Variants in STXBP5L observed in about 807,000 individuals in gnomAD.
The protein encoded by STXBP5L is syntaxin binding protein 5L.
In STXBP5L, 65 loss-of-function variants were observed where a neutral mutation model predicts 144.5. That is an observed-to-expected ratio of 0.45 (90% CI 0.37 to 0.55). STXBP5L has a LOEUF of 0.55. Ranked by LOEUF, STXBP5L falls within the 20% of genes least tolerant of loss-of-function variation. STXBP5L has a pLI of 0.00. For missense variants in STXBP5L, 1,298 were observed against 1,405.5 expected (o/e 0.92, Z 1.22); for synonymous variants, 505 against 469.6 (o/e 1.08, Z -0.97).
intron 2 of STXBP5L, among the ~76,000 whole-genome samples, chr3:120,943,942 A>G (rs981024970): frequency 6.6e-6 from 1 of 150,992 alleles, no homozygotes; most frequent in Admixed American, 6.7e-5. Flanking sequence ...GATGTTTAAC[A>G]TATTGAAAGA....
chr3:121,090,626 T>C (rs555388246), intron 5 of STXBP5L, among the ~76,000 whole-genome samples: 9 of 152,268 alleles, frequency 5.9e-5, no homozygotes, highest in African/African-American at 1.9e-4. Context: ...AGGAGGTATA[T>C]ACAGATCTGA....
intron 3 of STXBP5L, among the ~76,000 whole-genome samples, chr3:121,024,550 C>T (rs1945792633): frequency 6.6e-6 from 1 of 152,180 alleles, no homozygotes; most frequent in Non-Finnish European, 1.5e-5. Flanking sequence ...GCTATGTAAG[C>T]TGTCAAGTCT....
chr3:121,050,995 T>C (rs928564096), intron 5 of STXBP5L, among the ~76,000 whole-genome samples: 5 of 152,140 alleles, frequency 3.3e-5, no homozygotes, highest in African/African-American at 1.2e-4. Flanking sequence ...AGAAGGCCAT[T>C]ACATAATGGT....
intron 11 of STXBP5L, among the ~76,000 whole-genome samples, chr3:121,230,548 A>C: frequency 1.3e-5 from 2 of 151,948 alleles, no homozygotes; most frequent in Non-Finnish European, 2.9e-5. Context: ...TCAAATCAAC[A>C]ATCTTAGACT....
chr3:120,940,140 A>G (rs1246003618), intron 2 of STXBP5L, among the ~76,000 whole-genome samples: 1 of 152,124 alleles, frequency 6.6e-6, no homozygotes, highest in Non-Finnish European at 1.5e-5. Context: ...CATTAAGTTC[A>G]TATAAATTAG....
intron 12 of STXBP5L, among the ~76,000 whole-genome samples, chr3:121,235,609 T>A (rs1157513289): frequency 1.3e-5 from 2 of 152,116 alleles, no homozygotes; most frequent in Non-Finnish European, 2.9e-5. Context: ...ATCTTCTAAC[T>A]CTGTAATCTT....
chr3:121,322,703 C>A (rs142689483), intron 20 of STXBP5L, among the ~76,000 whole-genome samples: 1 of 151,220 alleles, frequency 6.6e-6, no homozygotes, highest in Admixed American at 6.6e-5. Flanking sequence ...TGAGGGGGTG[C>A]GGATATATGC....
intron 3 of STXBP5L, among the ~76,000 whole-genome samples, chr3:120,974,335 G>A (rs1369113414): frequency 6.6e-6 from 1 of 152,054 alleles, no homozygotes; most frequent in Non-Finnish European, 1.5e-5. Context: ...CTGCATAAAT[G>A]TCTTCTTTTG....
intron 3 of STXBP5L, among the ~76,000 whole-genome samples, chr3:120,991,953 A>T (rs1942929057): frequency 6.6e-6 from 1 of 152,294 alleles, no homozygotes; most frequent in South Asian, 2.1e-4. Context: ...CTAAAACTTA[A>T]AGTATAATAA....
At chr3:121,057,363 C>T (rs1186795243) in intron 5 of STXBP5L, among the ~76,000 whole-genome samples, 1 of 151,806 alleles carries the variant, frequency 6.6e-6, no homozygotes, top group South Asian at 2.1e-4. Context: ...GTAAATTTTA[C>T]TGAATCATCA....
At chr3:121,096,257 A>G (rs1260344203) in intron 5 of STXBP5L, among the ~76,000 whole-genome samples, 1 of 151,674 alleles carries the variant, frequency 6.6e-6, no homozygotes, top group African/African-American at 2.4e-5. Context: ...TCCTCCTCTA[A>G]CCTTTCTTCA....
intron 20 of STXBP5L, among the ~76,000 whole-genome samples, chr3:121,346,450 C>T (rs2044988974): frequency 6.6e-6 from 1 of 152,046 alleles, no homozygotes; most frequent in Non-Finnish European, 1.5e-5. Flanking sequence ...TATTTATAAT[C>T]CTTTGGGTAT....
intron 6 of STXBP5L, among the ~76,000 whole-genome samples, chr3:121,117,286 C>T (rs1377733972): frequency 2.0e-5 from 3 of 151,702 alleles, no homozygotes; most frequent in South Asian, 2.1e-4. Context: ...TGTGTTTTAT[C>T]GAGTTGTACA....
At chr3:120,995,348 A>G (rs559234799) in intron 3 of STXBP5L, among the ~76,000 whole-genome samples, 4 of 151,956 alleles carry the variant, frequency 2.6e-5, no homozygotes, top group Non-Finnish European at 5.9e-5. Flanking sequence ...GGGTTTCCCT[A>G]TGTCAACCAG....
At chr3:121,362,387 C>A (rs997636462) in intron 20 of STXBP5L, among the ~76,000 whole-genome samples, 28 of 152,190 alleles carry the variant, frequency 1.8e-4, no homozygotes, top group Admixed American at 6.5e-5. Flanking sequence ...GCAAGGCCCC[C>A]TAGGTCCTGG....
chr3:121,031,087 G>A lies in STXBP5L; in HGVS notation c.288-10613G>A, dbSNP rs541837096. On this transcript the variant is annotated intron_variant, in intron 3 of 26. Transcript: ENST00000471454. ...TGAGAATTACTCAGAGAAGGAAAAG[G>A]CTGAAAGATAAGCAGCAAGCAGTTC... Among the ~76,000 whole-genome samples, 47 of 152,154 alleles carry A rather than the reference G, an allele frequency of 3.1e-4. No individual in the cohort carries two copies. In the South Asian group the frequency reaches 9.5e-3, roughly 31 times the overall value.
At chr3:121,101,885 C>T (rs1038824317) in intron 5 of STXBP5L, among the ~76,000 whole-genome samples, 3 of 151,248 alleles carry the variant, frequency 2.0e-5, no homozygotes, top group East Asian at 1.9e-4. Flanking sequence ...GTAAAGTTTC[C>T]GGATACAAAG....
intron 5 of STXBP5L, among the ~76,000 whole-genome samples, chr3:121,080,419 C>T (rs1313327705): frequency 1.3e-5 from 2 of 151,476 alleles, no homozygotes; most frequent in Non-Finnish European, 2.9e-5. Context: ...TTTTATAGGC[C>T]CTGTGAGATT....
At chr3:121,295,044 G>A (rs1254706234) in intron 19 of STXBP5L, among the ~76,000 whole-genome samples, 2 of 152,156 alleles carry the variant, frequency 1.3e-5, no homozygotes, top group African/African-American at 2.4e-5. Flanking sequence ...ATGAAGGGGT[G>A]CTGAAAAATA....
Sources: allele counts gnomAD v4.1 joint callset (sites outside exome capture counted in the v4.1 genomes callset), GRCh38; gene constraint gnomAD v4.1.1; transcripts MANE v1.5; gene names NCBI Gene and HGNC (gene_info 2026-07-23, HGNC 2026-07-21).